The following CDCA2 variants were observed in gnomAD, a reference collection of about 807,000 sequenced individuals.
CDCA2 encodes cell division cycle-associated protein 2.
In CDCA2, 44 loss-of-function variants were observed where a neutral mutation model predicts 67.0. The ratio of observed to expected loss-of-function variants is 0.66; its 90% confidence interval spans 0.52 to 0.84. The LOEUF (loss-of-function observed/expected upper bound fraction) is 0.84, where lower values mean the gene tolerates loss of function less well. Ranked by LOEUF, CDCA2 falls within the 40% of genes least tolerant of loss-of-function variation. The pLI, the probability that CDCA2 is intolerant of heterozygous loss-of-function variation, is 0.00. For synonymous variants in CDCA2, 447 were observed against 418.7 expected, an observed-to-expected ratio of 1.07 and a Z score of -0.82; for missense variants, 1,253 against 1,203.2, an observed-to-expected ratio of 1.04 and a Z score of -0.61.
At chr8:25,459,826 A>T (rs1321128182) in intron 1 of CDCA2, among the ~76,000 whole-genome samples, 1 of 152,122 alleles carries the variant, frequency 6.6e-6, no homozygotes, top group Non-Finnish European at 1.5e-5. Context: ...TGTATTGGGG[A>T]TGGATGGGAA....
intron 10 of CDCA2, among the ~76,000 whole-genome samples, chr8:25,485,092 A>C (rs1048914498): frequency 2.8e-4 from 37 of 130,268 alleles, no homozygotes; most frequent in African/African-American, 1.0e-3. Flanking sequence ...CGATCATCTG[A>C]GTAGTTGCAG....
chr8:25,465,350 A>G (rs1802858534), intron 4 of CDCA2, among the ~76,000 whole-genome samples: 1 of 150,548 alleles, frequency 6.6e-6, no homozygotes, highest in Non-Finnish European at 1.5e-5. Flanking sequence ...AAACATTGCC[A>G]CAAACTTCAT....
intron 13 of CDCA2, among the ~76,000 whole-genome samples, chr8:25,489,267 C>A (rs527380704): frequency 6.6e-6 from 1 of 152,170 alleles, no homozygotes; most frequent in East Asian, 1.9e-4. Flanking sequence ...GCCATTCTTA[C>A]AACTTGTTAC....
intron 3 of CDCA2, 65 bp from the exon 4 acceptor site, chr8:25,461,989 G>A (rs1286759333): frequency 2.7e-6 from 4 of 1,478,814 alleles, no homozygotes; most frequent in African/African-American, 1.4e-5. Context: ...TACATCACGA[G>A]TATTGGATGT....
intron 4 of CDCA2, among the ~76,000 whole-genome samples, chr8:25,462,552 G>T (rs143576891): frequency 2.0e-5 from 3 of 151,650 alleles, no homozygotes; most frequent in Non-Finnish European, 4.4e-5. Context: ...CTTGAACCTG[G>T]GAGGCAGAGG....
At chr8:25,485,581 A>G (rs539685032) in intron 10 of CDCA2, among the ~76,000 whole-genome samples, 178 bp from the exon 11 acceptor site, 1 of 152,312 alleles carries the variant, frequency 6.6e-6, no homozygotes, top group South Asian at 2.1e-4. Context: ...AATGGTATAC[A>G]TATATTTTTC....
chr8:25,463,964 T>C (rs1353041611), intron 4 of CDCA2, among the ~76,000 whole-genome samples: 1 of 152,212 alleles, frequency 6.6e-6, no homozygotes, highest in Non-Finnish European at 1.5e-5. Context: ...TCTCATTGTT[T>C]TGGCTTCAAC....
intron 13 of CDCA2, among the ~76,000 whole-genome samples, chr8:25,498,380 G>A (rs1338543762): frequency 6.9e-6 from 1 of 145,324 alleles, no homozygotes; most frequent in Admixed American, 7.3e-5. Flanking sequence ...GCTAATTTTT[G>A]TATTTTTAGT....
intron 7 of CDCA2, among the ~76,000 whole-genome samples, chr8:25,476,788 T>C (rs1198633230): frequency 6.6e-6 from 1 of 151,958 alleles, no homozygotes; most frequent in African/African-American, 2.4e-5. Context: ...TCCTAACCTC[T>C]GGTGATCTGC....
At chr8:25,468,995 C>A (rs1451086707) in intron 6 of CDCA2, among the ~76,000 whole-genome samples, 1 of 152,188 alleles carries the variant, frequency 6.6e-6, no homozygotes, top group African/African-American at 2.4e-5. Context: ...CCTGTCAAGA[C>A]GATCAAAAGG....
intron 13 of CDCA2, among the ~76,000 whole-genome samples, chr8:25,500,873 GA>G (rs1265808679): frequency 6.6e-6 from 1 of 152,220 alleles, no homozygotes; most frequent in African/African-American, 2.4e-5. Context: ...ATGAGGTACA[GA>G]AAGTTGACTT....
intron 13 of CDCA2, 125 bp from the exon 14 acceptor site, chr8:25,503,248 A>C (rs1563285721): frequency 2.1e-5 from 15 of 707,772 alleles, no homozygotes; most frequent in Non-Finnish European, 1.9e-5. Flanking sequence ...GTGCCACTGC[A>C]CTCCAGCCTG....
Position 25,507,423 on chromosome 8 carries a change from CA to C in CDCA2, c.2761del (p.Arg921GlufsTer18), listed in dbSNP as rs1563289401. On this transcript the variant is annotated frameshift_variant, in exon 15 of 15. Transcript: ENST00000330560. LOFTEE classifies it low-confidence loss of function (END_TRUNC). ...CACTTCCTTCCACTTCCCAAAAAGC[CA>C]AAAGAAGAACAATATGTACATTTGA... ...LPLPSTSQKA[K>X]RRTICTFDSS... is the part of the protein sequence containing the mutation. 6.2e-7 allele frequency: 1 copy of C among 1,613,924 alleles called. No individual in the cohort carries two copies. The highest frequency in any genetic ancestry group is 1.7e-5 in the Admixed American group (1 of 59,978).
intron 13 of CDCA2, among the ~76,000 whole-genome samples, chr8:25,501,394 C>G (rs1804469683): frequency 6.6e-6 from 1 of 152,220 alleles, no homozygotes; most frequent in South Asian, 2.1e-4. Flanking sequence ...AATTTAAGAT[C>G]AAACGTTGAC....
intron 3 of CDCA2, among the ~76,000 whole-genome samples, chr8:25,461,274 A>G (rs1460305270): frequency 2.0e-5 from 3 of 149,154 alleles, no homozygotes; most frequent in Non-Finnish European, 3.0e-5. Context: ...TCTCCAAAAA[A>G]AAAAAAAAAA....
At chr8:25,465,656 A>G (rs189000094) in intron 4 of CDCA2, among the ~76,000 whole-genome samples, 1 of 152,244 alleles carries the variant, frequency 6.6e-6, no homozygotes, top group African/African-American at 2.4e-5. Context: ...CAGGAAAATT[A>G]GCTGGGAAGA....
Position 25,468,407 on chromosome 8 carries a change from T to C in CDCA2, c.729T>C (p.Leu243=). Residue 243 remains leucine (L), a synonymous_variant, in exon 6 of 15, where the codon CTT becomes CTC. Coordinates refer to ENST00000330560, the MANE Select transcript of CDCA2 (RefSeq NM_152562.4). ...RACAVETSVD[L]SEISSKLGST... ...GTGCAGTTGAAACTTCTGTAGATCT[T>C]TCTGAGGTAATTCACTTACTTTACG... 1 of 1,609,562 alleles carries C rather than the reference T, an allele frequency of 6.2e-7. No homozygotes were observed. The highest frequency in any genetic ancestry group is 1.1e-5 in the South Asian group (1 of 90,372).
intron 13 of CDCA2, among the ~76,000 whole-genome samples, chr8:25,497,170 C>G (rs1304680188): frequency 6.6e-6 from 1 of 152,020 alleles, no homozygotes; most frequent in Non-Finnish European, 1.5e-5. Context: ...TTTCACAAGC[C>G]ATTGTGGGAA....
At chr8:25,468,155 A>G in intron 5 of CDCA2, 62 bp from the exon 6 acceptor site, 1 of 677,250 alleles carries the variant, frequency 1.5e-6, no homozygotes, top group Non-Finnish European at 2.0e-6. Context: ...GAAAAAAAAT[A>G]TATATAATAT....
Sources: gnomAD v4.1 joint callset for allele counts (sites outside exome capture counted in the v4.1 genomes callset) on GRCh38, gnomAD v4.1.1 for gene constraint, MANE v1.5 for transcripts, NCBI Gene and HGNC (gene_info 2026-07-23, HGNC 2026-07-21) for gene names.